Variants in KCND3 observed in about 807,000 individuals in gnomAD.
KCND3 encodes the protein potassium voltage-gated channel subfamily D member 3.
KCND3 carries 9 observed loss-of-function variants against 51.1 expected under a neutral mutation model. The observed-to-expected ratio is 0.18, with a 90% CI of 0.11 to 0.31. The LOEUF is 0.31. Ranked by LOEUF, KCND3 falls within the 10% of genes least tolerant of loss-of-function variation. The pLI, the probability that KCND3 is intolerant of heterozygous loss-of-function variation, is 1.00. For synonymous variants in KCND3, 349 were observed against 368.0 expected (o/e 0.95, Z 0.59); for missense variants, 526 against 903.8 (o/e 0.58, Z 5.36).
chr1:111,964,013 C>T (rs1673822971), intron 2 of KCND3, among the ~76,000 whole-genome samples: 1 of 152,206 alleles, frequency 6.6e-6, no homozygotes, highest in South Asian at 2.1e-4. Context: ...CATCCTTTAT[C>T]CCAATCCTTA....
intron 2 of KCND3, among the ~76,000 whole-genome samples, chr1:111,927,477 G>C (rs1239261902): frequency 6.6e-6 from 1 of 152,252 alleles, no homozygotes; most frequent in African/African-American, 2.4e-5. Context: ...GTGATTGACA[G>C]CCCATGTCCT....
At chr1:111,850,004 G>T (rs145033517) in intron 2 of KCND3, among the ~76,000 whole-genome samples, 1,557 of 152,226 alleles carry the variant, frequency 0.01, 22 homozygotes, top group African/African-American at 0.034. Flanking sequence ...CTTTCTGAGA[G>T]CAGAGGAGAG....
At chr1:111,787,737 TAAC>T (rs1664668431) in intron 2 of KCND3, among the ~76,000 whole-genome samples, 1 of 152,188 alleles carries the variant, frequency 6.6e-6, no homozygotes, top group Admixed American at 6.5e-5. Flanking sequence ...TTTATGATGA[TAAC>T]AACAAATAAC....
At chr1:111,969,136 C>G (rs1169597050) in intron 2 of KCND3, among the ~76,000 whole-genome samples, 1 of 151,988 alleles carries the variant, frequency 6.6e-6, no homozygotes, top group Non-Finnish European at 1.5e-5. Flanking sequence ...CACTGCCTGC[C>G]TGCCACGGGT....
At chr1:111,812,458 G>C (rs554532382) in intron 2 of KCND3, among the ~76,000 whole-genome samples, 1 of 152,324 alleles carries the variant, frequency 6.6e-6, no homozygotes, top group South Asian at 2.1e-4. Context: ...TCCCTCCAGG[G>C]GAAGCAGGGG....
chr1:111,966,175 C>T lies in KCND3; in HGVS notation c.1106+15446G>A, dbSNP rs7513735. On this transcript the variant is annotated intron_variant, in intron 2 of 7. Coordinates refer to ENST00000302127, the MANE Select transcript of KCND3 (RefSeq NM_001378969.1). Reference sequence around the variant, plus strand: ...TGGAGACAGCCCACACGCTTACCCTCTCTCCAGCCCTCTGTGATCATTTAA... The same window carrying T: ...TGGAGACAGCCCACACGCTTACCCTTTCTCCAGCCCTCTGTGATCATTTAA... Among the ~76,000 whole-genome samples the T allele has an allele frequency of 2.7e-3, 416 of 152,324 alleles. 3 individuals are homozygous for T. The highest frequency in any genetic ancestry group is 9.3e-3 in the African/African-American group (387 of 41,562).
At position 111,963,936 on chromosome 1, in the gene KCND3, C is replaced by A. The variant is rs887814543; in HGVS notation, c.1106+17685G>T. Among the ~76,000 whole-genome samples, 3 of 152,196 alleles carry A rather than the reference C, an allele frequency of 2.0e-5. 1 individual carries two copies. Among genetic ancestry groups the A allele is most frequent in the African/African-American group, 7.2e-5 (3 of 41,442 alleles). ...AGCTTCTCTCAGAATCATCTTACGG[C>A]CTTCCTTGAGGCACCATCTCAGGAT... is the stretch of plus-strand genomic sequence containing the variant. On this transcript the variant is annotated intron_variant, in intron 2 of 7. Transcript: ENST00000302127.
intron 2 of KCND3, among the ~76,000 whole-genome samples, chr1:111,927,461 G>C (rs1289192555): frequency 6.6e-6 from 1 of 152,240 alleles, no homozygotes; most frequent in Non-Finnish European, 1.5e-5. Context: ...GAACAGGATG[G>C]AGAATGTGAT....
chr1:111,955,019 T>C (rs1673254931), intron 2 of KCND3, among the ~76,000 whole-genome samples: 2 of 152,234 alleles, frequency 1.3e-5, no homozygotes, highest in South Asian at 4.1e-4. Flanking sequence ...ATGATTTGAA[T>C]ACCTTTGAGT....
At chr1:111,881,341 CT>C (rs571469689) in intron 2 of KCND3, among the ~76,000 whole-genome samples, 258 of 152,306 alleles carry the variant, frequency 1.7e-3, no homozygotes, top group Middle Eastern at 3.4e-3. Context: ...GAAAAAGTGC[CT>C]TTTGTGCTTT....
intron 2 of KCND3, among the ~76,000 whole-genome samples, chr1:111,860,493 G>C (rs767184558): frequency 6.6e-6 from 1 of 152,192 alleles, no homozygotes; most frequent in African/African-American, 2.4e-5. Flanking sequence ...GTGTTCAGGA[G>C]AGGGAGAGGA....
At chr1:111,818,166 C>T (rs1198692840) in intron 2 of KCND3, among the ~76,000 whole-genome samples, 1 of 152,100 alleles carries the variant, frequency 6.6e-6, no homozygotes, top group African/African-American at 2.4e-5. Flanking sequence ...GGCAGTGAAG[C>T]TGCTACAAAA....
intron 2 of KCND3, among the ~76,000 whole-genome samples, chr1:111,868,682 C>G (rs1231328641): frequency 6.6e-6 from 1 of 152,190 alleles, no homozygotes; most frequent in Non-Finnish European, 1.5e-5. Context: ...TCCATAATAA[C>G]ACTTTGAATT....
chr1:111,953,178 T>C (rs755057080), intron 2 of KCND3, among the ~76,000 whole-genome samples: 2 of 151,998 alleles, frequency 1.3e-5, no homozygotes, highest in Non-Finnish European at 2.9e-5. Context: ...AGCTACCACA[T>C]TCTCCAGTGA....
intron 2 of KCND3, among the ~76,000 whole-genome samples, chr1:111,975,889 G>C (rs1468314974): frequency 6.6e-6 from 1 of 152,162 alleles, no homozygotes; most frequent in Non-Finnish European, 1.5e-5. Context: ...CTGCTCCCCA[G>C]GCTATCCTCA....
At position 111,835,164 on chromosome 1, in the gene KCND3, T is replaced by C. The variant is rs570286994; in HGVS notation, c.1107-48058A>G. On this transcript the variant is annotated intron_variant, in intron 2 of 7. Coordinates refer to ENST00000302127, the MANE Select transcript of KCND3 (RefSeq NM_001378969.1). ...AGTCAGCCACATCTAGCTGAGGGTC[T>C]AATTCCTGACCTTTGGAAGCTCTGC... Among the ~76,000 whole-genome samples the C allele has an allele frequency of 2.2e-3, 333 of 152,326 alleles. 2 individuals are homozygous for C. The highest frequency in any genetic ancestry group is 7.7e-3 in the African/African-American group (321 of 41,562).
chr1:111,786,752 C>T (rs1014139830), intron 3 of KCND3, among the ~76,000 whole-genome samples, 192 bp downstream of exon 3: 2 of 152,182 alleles, frequency 1.3e-5, no homozygotes, highest in East Asian at 1.9e-4. Flanking sequence ...ATTGAGGGTT[C>T]AGTGCCTTTT....
At chr1:111,783,199 C>CAA (rs67241053) in intron 3 of KCND3, among the ~76,000 whole-genome samples, 1,210 of 72,312 alleles carry the variant, frequency 0.017, 17 homozygotes, top group African/African-American at 0.041. Context: ...AATTCAAAGA[C>CAA]AAAAAAAAAA....
Position 111,860,460 on chromosome 1 carries a change from G to A in KCND3, c.1107-73354C>T, listed in dbSNP as rs10494141. ...GTCTAGGATAGAAGACCAACATTGT[G>A]CATCCAGGCCCCTGGGGAAGAGGTG... On this transcript the variant is annotated intron_variant, in intron 2 of 7. Transcript: ENST00000302127. Among the ~76,000 whole-genome samples the A allele has an allele frequency of 0.01, 1,552 of 152,296 alleles. 53 individuals are homozygous for A. The East Asian group carries it at 0.13, about 13-fold the overall frequency.
Sources: allele counts gnomAD v4.1 joint callset (sites outside exome capture counted in the v4.1 genomes callset), GRCh38; gene constraint gnomAD v4.1.1; transcripts MANE v1.5; gene names NCBI Gene and HGNC (gene_info 2026-07-23, HGNC 2026-07-21).